Variants in ARID1A observed in about 807,000 individuals in gnomAD.
ARID1A encodes the protein AT-rich interaction domain 1A, also known as AT-rich interactive domain-containing protein 1A.
Under a neutral mutation model 212.6 loss-of-function variants are expected in ARID1A, and 20 were observed. That is an observed-to-expected ratio of 0.09 (90% CI 0.07 to 0.14). The LOEUF is 0.14. Ranked by LOEUF, ARID1A falls within the 10% of genes least tolerant of loss-of-function variation. ARID1A has a pLI of 1.00. For missense variants in ARID1A, 2,587 were observed against 3,059.0 expected, an observed-to-expected ratio of 0.85 and a Z score of 3.64; for synonymous variants, 1,376 against 1,222.1, an observed-to-expected ratio of 1.13 and a Z score of -2.63.
At chr1:26,769,368 A>G (rs952535182) in intron 11 of ARID1A, 1 of 152,266 alleles carries the variant, frequency 6.6e-6, no homozygotes, top group African/African-American at 2.4e-5. Context: ...TTCAGGGGCA[A>G]AAGAGTGCTA....
chr1:26,716,156 A>G (rs1287860389), intron 1 of ARID1A, among the ~76,000 whole-genome samples: 1 of 151,200 alleles, frequency 6.6e-6, no homozygotes, highest in Non-Finnish European at 1.5e-5. Context: ...CAGTGAGCCA[A>G]GATCGCGCCA....
rs765280170 is a variant in ARID1A, at chr1:26,762,197, A to C, written c.2297A>C (p.Gln766Pro). 1.9e-6 allele frequency: 3 copies of C among 1,614,194 alleles called. No homozygotes were observed. Among genetic ancestry groups the C allele is most frequent in the Non-Finnish European group, 2.5e-6 (3 of 1,180,042 alleles). The change falls in exon 7 of 20, where the codon CAG (glutamine) becomes CCG (proline). Residue 766 changes from glutamine (Q) to proline (P), a missense_variant. Transcript: ENST00000324856. ...NPQMPQYSSP[Q>P]PGSALSPRQP... ...CAGATGCCCCAGTACAGTTCCCCCC[A>C]GCCCGGCTCAGCCTTATCTCCGCGT... is the stretch of plus-strand genomic sequence containing the variant.
intron 19 of ARID1A, chr1:26,775,924 C>T: frequency 1.4e-6 from 1 of 729,028 alleles, no homozygotes; most frequent in Non-Finnish European, 2.4e-6. Flanking sequence ...GGATTGACTT[C>T]AAAAGGAATT....
chr1:26,740,891 A>G (rs976498068), intron 4 of ARID1A, among the ~76,000 whole-genome samples: 2 of 152,178 alleles, frequency 1.3e-5, no homozygotes, highest in Non-Finnish European at 2.9e-5. Context: ...TGTGTGGTGG[A>G]ATATTTAAAG....
rs748065625 is a variant in ARID1A, at chr1:26,731,274, C to T, written c.1473C>T (p.Ser491=). 1 of 1,614,004 alleles carries T rather than the reference C, an allele frequency of 6.2e-7. No homozygotes were observed. The highest frequency in any genetic ancestry group is 1.1e-5 in the South Asian group (1 of 91,072). ...QQPPYSQQPP[S]QTPHAQPSYQ... ...CACCCTACTCCCAGCAACCACCGTC[C>T]CAGACCCCTCATGCCCAACCTTCGT... is the stretch of plus-strand genomic sequence containing the variant. Residue 491 remains serine, a synonymous_variant, in exon 3 of 20, where the codon TCC becomes TCT. Transcript: ENST00000324856.
rs929083322 is a variant in ARID1A at position 26,697,014 on chromosome 1, A to G, written c.611A>G (p.Asp204Gly). 2.6e-6 allele frequency: 4 copies of G among 1,533,102 alleles called. No individual in the cohort carries two copies. 95.0% of individuals were successfully genotyped at this position (1,533,102 alleles called of 1,614,324 possible). A position where few individuals can be genotyped will look rare whatever the true frequency, so the allele number is the denominator to read the frequency against. ...PYAGPQQNSHDHGFPNHQYNS... is the reference protein window; with the variant it reads ...PYAGPQQNSHGHGFPNHQYNS... ...GCGGGGCCCCAGCAGAACTCTCACG[A>G]CCACGGCTTCCCCAACCACCAGTAC... Residue 204 changes from aspartate to glycine, a missense_variant, in exon 1 of 20, where the codon GAC becomes GGC. By Grantham distance (94) the Asp-to-Gly change is moderately conservative. Coordinates refer to ENST00000324856, the MANE Select transcript of ARID1A (RefSeq NM_006015.6).
At chr1:26,709,350 T>G (rs1366041522) in intron 1 of ARID1A, among the ~76,000 whole-genome samples, 1 of 152,154 alleles carries the variant, frequency 6.6e-6, no homozygotes, top group Non-Finnish European at 1.5e-5. Flanking sequence ...CTTCCTCCTG[T>G]GCATCCACCA....
chr1:26,756,088 T>C (rs1312005599), intron 4 of ARID1A, among the ~76,000 whole-genome samples: 2 of 151,996 alleles, frequency 1.3e-5, no homozygotes, highest in Non-Finnish European at 2.9e-5. Flanking sequence ...TTTTTGTTTT[T>C]TTTTCTTAGC....
chr1:26,737,083 ATTTTG>A (rs1438903894), intron 4 of ARID1A, among the ~76,000 whole-genome samples: 2 of 151,856 alleles, frequency 1.3e-5, no homozygotes, highest in Non-Finnish European at 1.5e-5. Flanking sequence ...TTGACAGAGC[ATTTTG>A]CCAATGCCCT....
intron 8 of ARID1A, chr1:26,764,247 G>A (rs547290725): frequency 7.4e-5 from 11 of 148,210 alleles, no homozygotes; most frequent in Non-Finnish European, 1.3e-4. Context: ...TTACAGGCAT[G>A]ATCCACCATG....
intron 1 of ARID1A, among the ~76,000 whole-genome samples, chr1:26,706,868 TG>T (rs2080397198): frequency 6.6e-6 from 1 of 152,226 alleles, no homozygotes; most frequent in Non-Finnish European, 1.5e-5. Context: ...GTGAAACTCT[TG>T]GTAATTTAGG....
At chr1:26,731,087 C>G in intron 2 of ARID1A, 65 bp from the exon 3 acceptor site, 1 of 1,516,028 alleles carries the variant, frequency 6.6e-7, no homozygotes, top group Non-Finnish European at 9.1e-7. Context: ...TAGCTTCTCA[C>G]AAAACACTTC....
At chr1:26,724,528 G>A (rs1378328159) in intron 1 of ARID1A, among the ~76,000 whole-genome samples, 1 of 152,182 alleles carries the variant, frequency 6.6e-6, no homozygotes, top group Admixed American at 6.5e-5. Context: ...TCTTGGCTCT[G>A]TCTTCTCTGC....
rs2124113148 is a variant in ARID1A at position 26,773,652 on chromosome 1, C to T, written c.3939C>T (p.Asn1313=). The change falls in exon 16 of 20, where the codon AAC becomes AAT. Residue 1313 remains asparagine (N), a synonymous_variant. Coordinates refer to ENST00000324856, the MANE Select transcript of ARID1A (RefSeq NM_006015.6). The stretch of plus-strand genomic sequence containing the variant: ...CACAGCCGAATCTCATGCCTTCCAA[C>T]CCAGACTCGGGGATGTATTCTCCTA... The part of the protein sequence containing the change: ...GAPQPNLMPS[N]PDSGMYSPSR... 1 of 1,614,194 alleles carries T rather than the reference C, an allele frequency of 6.2e-7. No individual in the cohort carries two copies. Among genetic ancestry groups the T allele is most frequent in the Non-Finnish European group, 8.5e-7 (1 of 1,180,028 alleles).
intron 4 of ARID1A, among the ~76,000 whole-genome samples, chr1:26,749,913 A>G (rs1053236702): frequency 6.6e-6 from 1 of 152,230 alleles, no homozygotes; most frequent in Admixed American, 6.5e-5. Flanking sequence ...GGATGGGGGA[A>G]TAGAGATTAA....
chr1:26,697,878 C>T (rs1469992699), intron 1 of ARID1A, among the ~76,000 whole-genome samples: 1 of 151,822 alleles, frequency 6.6e-6, no homozygotes, highest in Non-Finnish European at 1.5e-5. Context: ...GCTGGGGGCT[C>T]AGGTTAGGAG....
At position 26,731,350 on chromosome 1, in the gene ARID1A, C is replaced by T. The variant is rs1250358228; in HGVS notation, c.1549C>T (p.Pro517Ser). 1 of 1,613,928 alleles carries T rather than the reference C, an allele frequency of 6.2e-7. No individual in the cohort carries two copies. The highest frequency in any genetic ancestry group is 1.7e-5 in the Admixed American group (1 of 59,982). ...QPPQLQSSQPPYSQQPSQPPH... is the reference protein window; with the variant it reads ...QPPQLQSSQPSYSQQPSQPPH... ...ACCACAGCTCCAGTCCTCTCAGCCT[C>T]CATACTCCCAGCAGCCATCCCAGCC... is the stretch of plus-strand genomic sequence containing the variant. Residue 517 changes from proline (P) to serine (S), a missense_variant, in exon 3 of 20, where the codon CCA (proline) becomes TCA (serine). This residue lies in a region of ARID1A where 674 missense variants were observed against 813.4 expected (regional missense o/e 0.83). Transcript: ENST00000324856.
chr1:26,717,679 A>T (rs1043816474), intron 1 of ARID1A, among the ~76,000 whole-genome samples: 1 of 152,236 alleles, frequency 6.6e-6, no homozygotes, highest in Non-Finnish European at 1.5e-5. Flanking sequence ...TACACAGGAC[A>T]TATAGATTGA....
intron 4 of ARID1A, among the ~76,000 whole-genome samples, chr1:26,744,858 TGAGA>T (rs1167555010): frequency 1.7e-5 from 2 of 118,720 alleles, no homozygotes; most frequent in African/African-American, 6.4e-5. Flanking sequence ...GAGCTTAGGG[TGAGA>T]GAGAGAAAGT....
Sources: gnomAD v4.1 joint callset for allele counts (sites outside exome capture counted in the v4.1 genomes callset) on GRCh38, gnomAD v4.1.1 for gene constraint, gnomAD v4.1.1 regional missense constraint, MANE v1.5 for transcripts, NCBI Gene and HGNC (gene_info 2026-07-23, HGNC 2026-07-21) for gene names.